PRKAR1B: variants seen among roughly 807,000 people sequenced by gnomAD.
PRKAR1B encodes protein kinase cAMP-dependent type I regulatory subunit beta.
PRKAR1B carries 22 observed loss-of-function variants against 46.5 expected under a neutral mutation model. The ratio of observed to expected loss-of-function variants is 0.47; its 90% CI spans 0.34 to 0.68. The LOEUF (loss-of-function observed/expected upper bound fraction) is 0.68. Ranked by LOEUF, PRKAR1B falls within the 30% of genes least tolerant of loss-of-function variation. PRKAR1B has a pLI of 0.01. For missense variants in PRKAR1B, 445 were observed against 535.6 expected (o/e 0.83, Z 1.67); for synonymous variants, 259 against 217.7 (o/e 1.19, Z -1.67).
chr7:630,958 T>C (rs2128479060), intron 4 of PRKAR1B, among the ~76,000 whole-genome samples: 1 of 151,770 alleles, frequency 6.6e-6, no homozygotes, highest in African/African-American at 2.4e-5. Context: ...GGATTTTTTT[T>C]TTTTTTTTTT....
chr7:556,120 ACC>A (rs1778412240), intron 9 of PRKAR1B, among the ~76,000 whole-genome samples: 1 of 151,848 alleles, frequency 6.6e-6, no homozygotes, highest in South Asian at 2.1e-4. Context: ...GCTCCCAGGC[ACC>A]CCCAGGCCAC....
At chr7:556,286 AC>A (rs1245966891) in intron 9 of PRKAR1B, among the ~76,000 whole-genome samples, 1 of 151,440 alleles carries the variant, frequency 6.6e-6, no homozygotes, top group Non-Finnish European at 1.5e-5. Flanking sequence ...CTGGAAACCG[AC>A]CCCTCAGAGG....
At chr7:660,268 G>A (rs562203133) in intron 4 of PRKAR1B, among the ~76,000 whole-genome samples, 7 of 151,986 alleles carry the variant, frequency 4.6e-5, no homozygotes, top group Non-Finnish European at 7.4e-5. Flanking sequence ...CCGAGTTCCC[G>A]TCTACCATAG....
At chr7:692,899 G>A (rs1779514408) in intron 2 of PRKAR1B, among the ~76,000 whole-genome samples, 1 of 152,116 alleles carries the variant, frequency 6.6e-6, no homozygotes, top group Non-Finnish European at 1.5e-5. Context: ...AGGCTGGAGG[G>A]GGCTGAGAAG....
intron 9 of PRKAR1B, among the ~76,000 whole-genome samples, chr7:576,434 G>A (rs947727519): frequency 2.6e-5 from 4 of 152,170 alleles, no homozygotes; most frequent in African/African-American, 4.8e-5. Context: ...GCCTGATAAC[G>A]GCTCCCCCGC....
At chr7:721,522 C>G (rs1177089550) in intron 1 of PRKAR1B, among the ~76,000 whole-genome samples, 1 of 152,164 alleles carries the variant, frequency 6.6e-6, no homozygotes, top group Admixed American at 6.5e-5. Context: ...GTGGCACATG[C>G]CTGTAATCCC....
intron 9 of PRKAR1B, among the ~76,000 whole-genome samples, chr7:575,019 C>T (rs372197595): frequency 6.6e-6 from 1 of 152,246 alleles, no homozygotes; most frequent in Non-Finnish European, 1.5e-5. Flanking sequence ...TACTGACGTA[C>T]TAATTTCAGT....
intron 4 of PRKAR1B, among the ~76,000 whole-genome samples, chr7:656,233 G>A (rs954660137): frequency 6.6e-6 from 1 of 152,082 alleles, no homozygotes; most frequent in African/African-American, 2.4e-5. Flanking sequence ...TGACTGAATG[G>A]ATGGATAAAT....
chr7:688,462 T>C lies in PRKAR1B; in HGVS notation c.178-7736A>G, dbSNP rs1032691878. ...TCCCCTGCCCACTGGAACCCTCCAA[T>C]GGCCTCCGATCTGAGTTGAAACAGA... On this transcript the variant is annotated intron_variant, in intron 2 of 10. Coordinates refer to ENST00000537384, the MANE Select transcript of PRKAR1B (RefSeq NM_001164760.2). Among the ~76,000 whole-genome samples, 32 of 150,758 alleles carry C rather than the reference T, an allele frequency of 2.1e-4. 1 individual carries two copies. Among genetic ancestry groups the C allele is most frequent in the Non-Finnish European group, 4.4e-5 (3 of 67,782 alleles).
chr7:693,424 C>A (rs1562345606), intron 2 of PRKAR1B, among the ~76,000 whole-genome samples: 1 of 151,934 alleles, frequency 6.6e-6, no homozygotes, highest in Admixed American at 6.6e-5. Flanking sequence ...CCCGCCCCAG[C>A]CCCCGACAGC....
Position 670,816 on chromosome 7 carries a change from G to A in PRKAR1B, c.440+6413C>T, listed in dbSNP as rs1352289148. Among the ~76,000 whole-genome samples the A allele has an allele frequency of 4.0e-5, 6 of 150,370 alleles. No homozygotes were observed. The South Asian group carries it at 6.3e-4, about 16-fold the overall frequency. On this transcript the variant is annotated intron_variant, in intron 4 of 10. Transcript: ENST00000537384. ...GAAGACGGCCTCCGAGCTCTCCCAC[G>A]CCGTGGCATCCGGCAGCGGGGCTCC...
chr7:576,961 G>A (rs1042919785), intron 9 of PRKAR1B, among the ~76,000 whole-genome samples: 5 of 150,968 alleles, frequency 3.3e-5, no homozygotes, highest in African/African-American at 7.4e-5. Flanking sequence ...ATCTTCCAAC[G>A]CCATCAGCGG....
rs920700596 is a variant in PRKAR1B, at chr7:677,211, G to C, written c.440+18C>G. On this transcript the variant is annotated intron_variant, in intron 4 of 10. Coordinates refer to ENST00000537384, the MANE Select transcript of PRKAR1B (RefSeq NM_001164760.2). ...GGAGGGCGGCGGTGATGCCGGGGCA[G>C]GGGACGAGTCTGCCTACCTCCTCTC... 13 of 1,613,392 alleles carry C rather than the reference G, an allele frequency of 8.1e-6. No individual in the cohort carries two copies. Among genetic ancestry groups the C allele is most frequent in the Non-Finnish European group, 1.0e-5 (12 of 1,179,340 alleles).
In PRKAR1B at chr7:584,536, C is replaced by T; in HGVS notation, c.741G>A (p.Glu247=). The part of the protein sequence containing the change: ...GSTLRKRKMY[E]EFLSKVSILE... ...GGATGGAGACCTTGCTGAGGAACTC[C>T]TCGTACATCTTGCGTTTCCTCAGCG... Residue 247 remains glutamate, a synonymous_variant, in exon 8 of 11, where the codon GAG becomes GAA. Transcript: ENST00000537384. The T allele has an allele frequency of 1.9e-6, 3 of 1,613,930 alleles. No individual in the cohort carries two copies. Among genetic ancestry groups the T allele is most frequent in the Non-Finnish European group, 2.5e-6 (3 of 1,179,986 alleles).
intron 6 of PRKAR1B, among the ~76,000 whole-genome samples, chr7:598,847 C>A (rs908605841): frequency 1.4e-4 from 22 of 152,354 alleles, no homozygotes; most frequent in Admixed American, 1.1e-3. Flanking sequence ...GGAATGAGGA[C>A]ACCACCCCCT....
rs1488340590 is a variant in PRKAR1B at position 667,622 on chromosome 7, CT to C, written c.440+9606del. On this transcript the variant is annotated intron_variant, in intron 4 of 10. Transcript: ENST00000537384. The surrounding 1 kb of genome is among the most constrained non-coding windows in gnomAD (Gnocchi z 4.3). ...AATGCCTAAATCACCCATTCTCAATCTTCCTTCACCATGCAGGCAGGGTAGC... is the reference window on the plus strand; with the variant it reads ...AATGCCTAAATCACCCATTCTCAATCTCCTTCACCATGCAGGCAGGGTAGC... Among the ~76,000 whole-genome samples, 16 of 152,152 alleles carry C rather than the reference CT, an allele frequency of 1.1e-4. No individual in the cohort carries two copies. Among genetic ancestry groups the C allele is most frequent in the Admixed American group, 1.0e-3 (16 of 15,276 alleles).
chr7:697,838 C>T (rs1000231597), intron 2 of PRKAR1B, among the ~76,000 whole-genome samples: 7 of 143,782 alleles, frequency 4.9e-5, no homozygotes, highest in African/African-American at 1.8e-4. Flanking sequence ...TGTACCAGGC[C>T]TCACATAGAG....
At chr7:711,563 G>A (rs1469024104) in intron 1 of PRKAR1B, 36 bp from the exon 2 acceptor site, 14 of 1,568,598 alleles carry the variant, frequency 8.9e-6, no homozygotes, top group Non-Finnish European at 1.2e-5. Context: ...AGGCCTGAGA[G>A]CTGCCCGGGG....
At chr7:620,820 A>T (rs748200186) in intron 4 of PRKAR1B, among the ~76,000 whole-genome samples, 5 of 152,208 alleles carry the variant, frequency 3.3e-5, no homozygotes, top group Non-Finnish European at 7.3e-5. Context: ...TCCCAAGCAC[A>T]GTTAAACCAT....
Sources: allele counts gnomAD v4.1 joint callset (sites outside exome capture counted in the v4.1 genomes callset), GRCh38; gene constraint gnomAD v4.1.1; non-coding constraint Gnocchi (gnomAD v3.1); transcripts MANE v1.5; gene names NCBI Gene and HGNC (gene_info 2026-07-23, HGNC 2026-07-21).